Variants in BNC2 observed in about 807,000 individuals in gnomAD.
BNC2 encodes the protein basonuclin zinc finger protein 2, also known as zinc finger protein basonuclin-2.
Under a neutral mutation model 76.3 loss-of-function variants are expected in BNC2, and 20 were observed. That is an observed-to-expected ratio of 0.26 (90% CI 0.18 to 0.38). The LOEUF is 0.38. Ranked by LOEUF, BNC2 falls within the 10% of genes least tolerant of loss-of-function variation. BNC2 has a pLI of 1.00. For missense variants in BNC2, 1,382 were observed against 1,399.8 expected (o/e 0.99, Z 0.20); for synonymous variants, 582 against 514.8 (o/e 1.13, Z -1.77).
chr9:16,740,534 T>C (rs1048809410), intron 1 of BNC2, among the ~76,000 whole-genome samples: 6 of 152,222 alleles, frequency 3.9e-5, no homozygotes, highest in African/African-American at 1.4e-4. Context: ...AGAATCCATA[T>C]TGCAGAGGAG....
At chr9:16,508,601 A>T (rs1310604360) in intron 5 of BNC2, among the ~76,000 whole-genome samples, 2 of 152,200 alleles carry the variant, frequency 1.3e-5, no homozygotes, top group Non-Finnish European at 2.9e-5. Flanking sequence ...TTCTTTGGTC[A>T]TGAAATTTTC....
intron 5 of BNC2, among the ~76,000 whole-genome samples, chr9:16,546,360 G>A (rs1014300882): frequency 1.3e-5 from 2 of 152,156 alleles, no homozygotes; most frequent in Non-Finnish European, 2.9e-5. Context: ...TCAATATCCA[G>A]AGCCCTTTTG....
chr9:16,580,206 G>A (rs1345330623), intron 4 of BNC2: 8 of 398,274 alleles, frequency 2.0e-5, no homozygotes, highest in Non-Finnish European at 2.7e-5. Flanking sequence ...AAAAGAGTGG[G>A]TGCTGTCATC....
intron 3 of BNC2, among the ~76,000 whole-genome samples, chr9:16,691,811 T>A (rs1823180483): frequency 1.1e-4 from 1 of 9,014 alleles, no homozygotes; most frequent in Non-Finnish European, 9.3e-4. Context: ...GCCCAGCCAT[T>A]TTTTTTTTTT....
chr9:16,502,563 T>A (rs1822543517), intron 5 of BNC2, among the ~76,000 whole-genome samples: 1 of 152,124 alleles, frequency 6.6e-6, no homozygotes, highest in Non-Finnish European at 1.5e-5. Flanking sequence ...CCCCCCCTCT[T>A]ACTTCTTCTT....
At chr9:16,735,566 G>C (rs944528436) in intron 2 of BNC2, among the ~76,000 whole-genome samples, 1 of 152,016 alleles carries the variant, frequency 6.6e-6, no homozygotes, top group Admixed American at 6.6e-5. Flanking sequence ...CCGTGATCTC[G>C]GGTTACTGCA....
intron 1 of BNC2, among the ~76,000 whole-genome samples, chr9:16,852,987 GT>G (rs1306849228): frequency 6.6e-6 from 1 of 152,186 alleles, no homozygotes; most frequent in African/African-American, 2.4e-5. Context: ...ATGGTAAGGA[GT>G]TGGGATTTCA....
At position 16,727,406 on chromosome 9, in the gene BNC2, C is replaced by G. The variant is rs1173769446; in HGVS notation, c.330+391G>C. The G allele has an allele frequency of 2.5e-5, 5 of 197,098 alleles. No homozygotes were observed. The East Asian group carries it at 5.5e-4, about 22-fold the overall frequency. 12.2% of individuals were successfully genotyped at this position (197,098 alleles called of 1,614,324 possible). A position where few individuals can be genotyped will look rare whatever the true frequency, so the allele number is the denominator to read the frequency against. On this transcript the variant is annotated intron_variant, in intron 3 of 6. Transcript: ENST00000380672. Reference sequence around the variant, plus strand: ...ATGACTGTTTTTTAGGTTGCGGAACCTACTCCGAGAGAGCAAACACTTTGG... The same window carrying G: ...ATGACTGTTTTTTAGGTTGCGGAACGTACTCCGAGAGAGCAAACACTTTGG...
chr9:16,731,621 T>TTCCA (rs1405042977), intron 2 of BNC2, among the ~76,000 whole-genome samples: 5 of 152,214 alleles, frequency 3.3e-5, no homozygotes, highest in African/African-American at 1.2e-4. Flanking sequence ...AGGAATGCAC[T>TTCCA]ATAACATGCC....
intron 4 of BNC2, among the ~76,000 whole-genome samples, chr9:16,555,353 T>C (rs1350449592): frequency 6.6e-6 from 1 of 151,888 alleles, no homozygotes; most frequent in East Asian, 1.9e-4. Context: ...TGAAGAGCAC[T>C]AAACTGTTAA....
At chr9:16,479,633 A>G (rs1822004421) in intron 5 of BNC2, among the ~76,000 whole-genome samples, 1 of 152,334 alleles carries the variant, frequency 6.6e-6, no homozygotes, top group Admixed American at 6.5e-5. Context: ...ATTGATCAGC[A>G]TAACAGTCCT....
At chr9:16,707,427 T>C (rs973794007) in intron 3 of BNC2, among the ~76,000 whole-genome samples, 3 of 152,142 alleles carry the variant, frequency 2.0e-5, no homozygotes, top group African/African-American at 7.2e-5. Flanking sequence ...TTATATCAAG[T>C]TAATCAACAC....
intron 3 of BNC2, among the ~76,000 whole-genome samples, chr9:16,591,228 T>C (rs1462529757): frequency 6.6e-6 from 1 of 152,190 alleles, no homozygotes; most frequent in African/African-American, 2.4e-5. Flanking sequence ...GGTGGACAAC[T>C]ACTAAGCTTA....
chr9:16,437,917 C>G (rs1169088197), intron 5 of BNC2, among the ~76,000 whole-genome samples: 1 of 152,068 alleles, frequency 6.6e-6, no homozygotes, highest in African/African-American at 2.4e-5. Context: ...AAAATGGTAC[C>G]TTAGTCCTTA....
Position 16,549,420 on chromosome 9 carries a change from C to A in BNC2, c.669+3110G>T, listed in dbSNP as rs150835592. ...ATATTCAATATACTGTTGTTGAGAG[C>A]AATAATGCTAAAATTGATGCCTTGA... On this transcript the variant is annotated intron_variant, in intron 5 of 6. Transcript: ENST00000380672. Among the ~76,000 whole-genome samples the A allele has an allele frequency of 2.8e-3, 422 of 152,262 alleles. 3 individuals carry two copies. The highest frequency in any genetic ancestry group is 9.8e-3 in the African/African-American group (406 of 41,534).
At chr9:16,543,046 T>C (rs1168608022) in intron 5 of BNC2, among the ~76,000 whole-genome samples, 1 of 152,016 alleles carries the variant, frequency 6.6e-6, no homozygotes, top group African/African-American at 2.4e-5. Flanking sequence ...TTCTGTCAAA[T>C]TGGGGGAAAT....
intron 1 of BNC2, among the ~76,000 whole-genome samples, chr9:16,753,821 A>G (rs1825292822): frequency 6.6e-6 from 1 of 152,052 alleles, no homozygotes; most frequent in Non-Finnish European, 1.5e-5. Flanking sequence ...AAAAATATCT[A>G]TACAGAGTTC....
intron 1 of BNC2, among the ~76,000 whole-genome samples, chr9:16,766,601 G>A (rs1286376243): frequency 6.6e-6 from 1 of 152,148 alleles, no homozygotes; most frequent in Non-Finnish European, 1.5e-5. Context: ...TACCTTCCAT[G>A]CAAAATAATT....
rs1221341308 is a variant in BNC2, at chr9:16,418,762, T to C, written c.*227A>G. 9.2e-6 allele frequency: 5 copies of C among 545,078 alleles called. No homozygotes were observed. The Admixed American group carries it at 9.4e-5, about 10-fold the overall frequency. 33.8% of individuals were successfully genotyped at this position (545,078 alleles called of 1,614,324 possible). ...ACCCTGAAATCAAAGATCCCACTCC[T>C]TTCCCAAAACTATAAAGGGAAGTGA... On this transcript the variant is annotated 3_prime_UTR_variant, in exon 7 of 7. Coordinates refer to ENST00000380672, the MANE Select transcript of BNC2 (RefSeq NM_017637.6).
Sources: allele counts gnomAD v4.1 joint callset (sites outside exome capture counted in the v4.1 genomes callset), GRCh38; gene constraint gnomAD v4.1.1; transcripts MANE v1.5; gene names NCBI Gene and HGNC (gene_info 2026-07-23, HGNC 2026-07-21).